Variants in SYN3 observed in about 807,000 individuals in gnomAD.
The protein encoded by SYN3 is synapsin-3.
SYN3 carries 35 observed loss-of-function variants against 65.8 expected under a neutral mutation model. The observed-to-expected ratio is 0.53, with a 90% confidence interval of 0.41 to 0.70. The LOEUF (loss-of-function observed/expected upper bound fraction) is 0.70, where lower values mean the gene tolerates loss of function less well. SYN3 is among the 30% of genes least tolerant of loss of function. The pLI is 0.00. For synonymous variants in SYN3, 270 were observed against 292.9 expected, an observed-to-expected ratio of 0.92 and a Z score of 0.80; for missense variants, 680 against 749.0, an observed-to-expected ratio of 0.91 and a Z score of 1.08.
At chr22:32,656,050 T>C (rs1251966759) in intron 6 of SYN3, among the ~76,000 whole-genome samples, 1 of 152,224 alleles carries the variant, frequency 6.6e-6, no homozygotes, top group African/African-American at 2.4e-5. Flanking sequence ...TGAGAGGATA[T>C]GGTCTCTGGG....
intron 3 of SYN3, among the ~76,000 whole-genome samples, chr22:32,965,420 C>G (rs1342065268): frequency 6.6e-6 from 1 of 152,070 alleles, no homozygotes; most frequent in Non-Finnish European, 1.5e-5. Flanking sequence ...GATTAGGTAT[C>G]TGGGTCCTTG....
intron 6 of SYN3, among the ~76,000 whole-genome samples, chr22:32,660,288 C>T (rs1052837443): frequency 6.6e-6 from 1 of 152,228 alleles, no homozygotes; most frequent in African/African-American, 2.4e-5. Context: ...TGCTCATCAC[C>T]TGTAACTTCA....
At chr22:32,593,641 G>C (rs777761856) in intron 7 of SYN3, among the ~76,000 whole-genome samples, 12 of 152,162 alleles carry the variant, frequency 7.9e-5, no homozygotes, top group Non-Finnish European at 1.3e-4. Flanking sequence ...GGGTGTCTGG[G>C]AAGATGCTGA....
chr22:32,960,321 G>A (rs1027959906), intron 3 of SYN3, among the ~76,000 whole-genome samples: 1 of 152,148 alleles, frequency 6.6e-6, no homozygotes, highest in African/African-American at 2.4e-5. Flanking sequence ...TAGGCACCAG[G>A]CAACTAGGGA....
intron 7 of SYN3, among the ~76,000 whole-genome samples, chr22:32,596,063 C>T (rs992483349): frequency 1.1e-4 from 16 of 151,994 alleles, no homozygotes; most frequent in African/African-American, 3.1e-4. Context: ...GGTGACAGAG[C>T]GAGGCTCTGT....
At chr22:32,627,299 A>C (rs959632714) in intron 6 of SYN3, among the ~76,000 whole-genome samples, 1 of 152,186 alleles carries the variant, frequency 6.6e-6, no homozygotes, top group Non-Finnish European at 1.5e-5. Flanking sequence ...GCCAGAGTCC[A>C]TGGGGAGGAA....
rs950668237 is a variant in SYN3 at position 32,600,163 on chromosome 22, T to C, written c.712-3427A>G. On this transcript the variant is annotated intron_variant, in intron 6 of 13. Coordinates refer to ENST00000358763, the MANE Select transcript of SYN3 (RefSeq NM_003490.4). ...CATAATGTAGGATTAGTGGGAGCCC[T>C]GAGCTTGTTTTCTTGCAACTAGACA... 1.1e-4 allele frequency among the ~76,000 whole-genome samples: 17 copies of C among 152,314 alleles called. No individual in the cohort carries two copies. In the East Asian group the frequency reaches 3.3e-3, roughly 29 times the overall value.
chr22:32,758,550 T>C (rs950075611), intron 6 of SYN3, among the ~76,000 whole-genome samples: 4 of 150,384 alleles, frequency 2.7e-5, no homozygotes, highest in African/African-American at 9.8e-5. Flanking sequence ...TGCTGGATGC[T>C]TCCTGCCCTC....
At chr22:32,596,781 GCCAC>G in intron 6 of SYN3, 45 bp from the exon 7 acceptor site, 1 of 1,584,624 alleles carries the variant, frequency 6.3e-7, no homozygotes, top group Non-Finnish European at 8.7e-7. Flanking sequence ...TCAGAGCATT[GCCAC>G]CAAGGCTCTG....
chr22:32,836,350 TCTC>T (rs1483070857), intron 6 of SYN3, among the ~76,000 whole-genome samples: 1 of 152,184 alleles, frequency 6.6e-6, no homozygotes, highest in African/African-American at 2.4e-5. Flanking sequence ...TAGTTGGTCT[TCTC>T]CTTCTTTATC....
intron 6 of SYN3, among the ~76,000 whole-genome samples, chr22:32,750,116 T>C (rs1330471086): frequency 6.6e-6 from 1 of 152,174 alleles, no homozygotes; most frequent in Non-Finnish European, 1.5e-5. Flanking sequence ...AAGATCGATG[T>C]GGTTGGAGAC....
At chr22:32,661,453 A>G (rs2060215471) in intron 6 of SYN3, among the ~76,000 whole-genome samples, 1 of 152,248 alleles carries the variant, frequency 6.6e-6, no homozygotes, top group Non-Finnish European at 1.5e-5. Flanking sequence ...TCAATGGGGG[A>G]ATTGTCTGTA....
chr22:32,807,698 TC>T (rs908362671), intron 6 of SYN3, among the ~76,000 whole-genome samples: 23 of 151,040 alleles, frequency 1.5e-4, no homozygotes, highest in African/African-American at 5.1e-4. Context: ...TCACCCTGGC[TC>T]TAAAATATAT....
chr22:32,682,036 T>G (rs368470735), intron 6 of SYN3, among the ~76,000 whole-genome samples: 1 of 77,592 alleles, frequency 1.3e-5, no homozygotes, highest in African/African-American at 3.5e-5. Flanking sequence ...TGTAGCTTGG[T>G]GAAGTGAGGG....
chr22:32,830,833 T>A (rs1233567219), intron 6 of SYN3, among the ~76,000 whole-genome samples: 1 of 152,170 alleles, frequency 6.6e-6, no homozygotes, highest in Admixed American at 6.5e-5. Flanking sequence ...GCAAGGTGTT[T>A]CCTGCAAATC....
At chr22:32,869,251 A>T in intron 4 of SYN3, 126 bp from the exon 5 acceptor site, 1 of 923,446 alleles carries the variant, frequency 1.1e-6, no homozygotes, top group East Asian at 3.2e-5. Flanking sequence ...AAGTGGGAGC[A>T]GGTGGGGGAT....
intron 1 of SYN3, among the ~76,000 whole-genome samples, chr22:33,009,510 G>A (rs1463253786): frequency 2.0e-5 from 3 of 151,890 alleles, no homozygotes; most frequent in Admixed American, 6.6e-5. Flanking sequence ...ATACATTCTA[G>A]ATACAAGTCC....
chr22:32,592,711 T>C (rs2059145018), intron 7 of SYN3, among the ~76,000 whole-genome samples: 1 of 152,178 alleles, frequency 6.6e-6, no homozygotes, highest in African/African-American at 2.4e-5. Flanking sequence ...TCTCCTAGGA[T>C]GCCTTTTCCA....
intron 1 of SYN3, among the ~76,000 whole-genome samples, chr22:33,035,243 T>G (rs1463194876): frequency 6.6e-6 from 1 of 151,232 alleles, no homozygotes. Flanking sequence ...ATTTCCTAAG[T>G]GCTAGGTACT....
Sources: allele counts gnomAD v4.1 joint callset (sites outside exome capture counted in the v4.1 genomes callset), GRCh38; gene constraint gnomAD v4.1.1; transcripts MANE v1.5; gene names NCBI Gene and HGNC (gene_info 2026-07-23, HGNC 2026-07-21).